CD80: variants seen among roughly 807,000 people sequenced by gnomAD.
The protein encoded by CD80 is CD80 molecule.
A neutral mutation model predicts 27.1 loss-of-function variants in CD80; 13 were observed. That is an observed-to-expected ratio of 0.48 (90% CI 0.31 to 0.76). CD80 has a LOEUF of 0.76. Ranked by LOEUF, CD80 falls within the 30% of genes least tolerant of loss-of-function variation. The pLI is 0.04. For synonymous variants in CD80, 125 were observed against 125.5 expected, an observed-to-expected ratio of 1.00 and a Z score of 0.03; for missense variants, 277 against 347.9, an observed-to-expected ratio of 0.80 and a Z score of 1.62.
At chr3:119,552,606 C>T (rs529226678) in intron 2 of CD80, among the ~76,000 whole-genome samples, 6 of 150,664 alleles carry the variant, frequency 4.0e-5, no homozygotes, top group African/African-American at 1.5e-4. Context: ...CTGGCCAAGG[C>T]GGGTGGATTG....
intron 5 of CD80, among the ~76,000 whole-genome samples, chr3:119,528,996 C>T (rs189023672): frequency 6.6e-6 from 1 of 150,388 alleles, no homozygotes; most frequent in Admixed American, 6.6e-5. Flanking sequence ...GGCTGGAGTG[C>T]AATGGCATGA....
intron 2 of CD80, among the ~76,000 whole-genome samples, chr3:119,551,484 G>A (rs1036039893): frequency 3.3e-5 from 5 of 152,038 alleles, no homozygotes; most frequent in African/African-American, 1.2e-4. Flanking sequence ...GATGGTTTTG[G>A]CCTCCTTCCT....
Position 119,525,325 on chromosome 3 carries a change from CTGAAGT to C in CD80, c.*457_*462del, listed in dbSNP as rs2082058395. 6.6e-6 allele frequency: 1 copy of C among 152,198 alleles called. No homozygotes were observed. The highest frequency in any genetic ancestry group is 2.1e-4 in the South Asian group (1 of 4,830). 9.4% of individuals were successfully genotyped at this position (152,198 alleles called of 1,614,324 possible). A position where few individuals can be genotyped will look rare whatever the true frequency, so the allele number is the denominator to read the frequency against. ...CTGACATTAGGAAATCAGATAGTCT[CTGAAGT>C]TGACCTGTTATTGGACAAATTCTAC... On this transcript the variant is annotated 3_prime_UTR_variant, in exon 7 of 7. Coordinates refer to ENST00000264246, the MANE Select transcript of CD80 (RefSeq NM_005191.4).
chr3:119,532,061 T>C (rs2082114318), intron 4 of CD80, among the ~76,000 whole-genome samples: 1 of 152,264 alleles, frequency 6.6e-6, no homozygotes, highest in Non-Finnish European at 1.5e-5. Context: ...CTTCTGTTTC[T>C]GTTTGTTGCA....
intron 6 of CD80, among the ~76,000 whole-genome samples, chr3:119,527,090 G>A (rs1357198991): frequency 2.6e-5 from 4 of 152,168 alleles, no homozygotes; most frequent in African/African-American, 9.7e-5. Context: ...AAAGTCTTGG[G>A]TTCCGTTTAC....
In CD80 at chr3:119,534,001, A is replaced by G. The variant is rs571169741; in HGVS notation, c.700+3136T>C. ...AGACATTTATACCCTAAAGCTCTCCAGCCACAAAGACAAAAACCTTAAGTT... is the reference window on the plus strand; with the variant it reads ...AGACATTTATACCCTAAAGCTCTCCGGCCACAAAGACAAAAACCTTAAGTT... On this transcript the variant is annotated intron_variant, in intron 4 of 6. Coordinates refer to ENST00000264246, the MANE Select transcript of CD80 (RefSeq NM_005191.4). 3.3e-5 allele frequency among the ~76,000 whole-genome samples: 5 copies of G among 152,314 alleles called. No individual in the cohort carries two copies. The South Asian group carries it at 1.0e-3, about 32-fold the overall frequency.
At chr3:119,539,804 T>C (rs1444332415) in intron 3 of CD80, among the ~76,000 whole-genome samples, 1 of 152,206 alleles carries the variant, frequency 6.6e-6, no homozygotes, top group Non-Finnish European at 1.5e-5. Flanking sequence ...TAGCATATGG[T>C]CATCAAAAGC....
chr3:119,557,958 G>A, intron 1 of CD80, 30 bp from the exon 2 acceptor site: 1 of 350,232 alleles, frequency 2.9e-6, no homozygotes, highest in Admixed American at 4.7e-5. Context: ...AAGTCATTCA[G>A]GAAGGAAGGT....
Position 119,537,295 on chromosome 3 carries a change from T to A in CD80, c.542A>T (p.Glu181Val), listed in dbSNP as rs1435628181. 8.7e-6 allele frequency: 14 copies of A among 1,614,068 alleles called. No homozygotes were observed. The highest frequency in any genetic ancestry group is 1.1e-5 in the Non-Finnish European group (13 of 1,179,964). ...AACTGTTGTGTTGATGGCATTTAAT[T>A]CTTCTCCATTTTCCAACCAGGAGAG... ...PHLSWLENGE[E>V]LNAINTTVSQ... The change falls in exon 4 of 7, where the codon GAA becomes GTA. Residue 181 changes from glutamate (E) to valine (V), a missense_variant. Coordinates refer to ENST00000264246, the MANE Select transcript of CD80 (RefSeq NM_005191.4).
intron 2 of CD80, among the ~76,000 whole-genome samples, chr3:119,552,506 T>A (rs1197188902): frequency 3.2e-4 from 33 of 102,206 alleles, no homozygotes; most frequent in African/African-American, 1.0e-3. Flanking sequence ...AGAGCAAGAC[T>A]CTGTCTCAAA....
intron 2 of CD80, among the ~76,000 whole-genome samples, chr3:119,553,839 A>G (rs779365042): frequency 5.3e-5 from 8 of 152,214 alleles, no homozygotes; most frequent in Non-Finnish European, 1.0e-4. Flanking sequence ...AAAGTCACCT[A>G]TTGTCTCACC....
In CD80 at chr3:119,557,880, T is replaced by C. The variant is rs563078491; in HGVS notation, c.-152A>G. The C allele has an allele frequency of 6.7e-6, 3 of 445,362 alleles. No individual in the cohort carries two copies. The highest frequency in any genetic ancestry group is 2.0e-5 in the African/African-American group (1 of 49,644). 27.6% of individuals were successfully genotyped at this position (445,362 alleles called of 1,614,324 possible). Reference sequence around the variant, plus strand: ...GTGATGTTTACAAAACACACAGAGATTGGAGGGTGTTCCTGGGTCTCCAAA... The same window carrying C: ...GTGATGTTTACAAAACACACAGAGACTGGAGGGTGTTCCTGGGTCTCCAAA... On this transcript the variant is annotated 5_prime_UTR_variant, in exon 2 of 7. Transcript: ENST00000264246.
Position 119,535,123 on chromosome 3 carries a change from C to T in CD80, c.700+2014G>A, listed in dbSNP as rs531206587. 2.7e-4 allele frequency among the ~76,000 whole-genome samples: 40 copies of T among 149,834 alleles called. 1 individual carries two copies. The highest frequency in any genetic ancestry group is 8.8e-4 in the African/African-American group (36 of 40,682). ...AGGAGAATTGCTTCAACCTGGGAGG[C>T]GGAGGTTACAGTGAGCCAAGATCAC... On this transcript the variant is annotated intron_variant, in intron 4 of 6. Transcript: ENST00000264246.
rs9823193 is a variant in CD80, at chr3:119,530,503, G to A, written c.701-566C>T. Among the ~76,000 whole-genome samples the A allele has an allele frequency of 3.2e-3, 488 of 152,222 alleles. 1 individual carries two copies. Among genetic ancestry groups the A allele is most frequent in the African/African-American group, 0.011 (457 of 41,536 alleles). On this transcript the variant is annotated intron_variant, in intron 4 of 6. Coordinates refer to ENST00000264246, the MANE Select transcript of CD80 (RefSeq NM_005191.4). ...ACAAGTCTGGCAAAGAACTAAGTGT[G>A]GATATGGCTTGGTATTAGGTGGGAC...
intron 2 of CD80, among the ~76,000 whole-genome samples, chr3:119,556,342 C>G (rs900374323): frequency 2.0e-5 from 3 of 151,608 alleles, no homozygotes; most frequent in African/African-American, 4.9e-5. Flanking sequence ...TTATTGTTCT[C>G]CCTCTTTCTG....
At chr3:119,528,209 G>C (rs1410601112) in intron 5 of CD80, among the ~76,000 whole-genome samples, 1 of 152,174 alleles carries the variant, frequency 6.6e-6, no homozygotes, top group African/African-American at 2.4e-5. Flanking sequence ...ACACTGGATA[G>C]TTGGTATTAG....
chr3:119,557,580 T>G (rs775329865), intron 2 of CD80, 49 bp downstream of exon 2: 9 of 1,360,152 alleles, frequency 6.6e-6, no homozygotes, highest in Non-Finnish European at 9.4e-6. Flanking sequence ...ATGTCCTTTC[T>G]CTTAACCCTG....
At chr3:119,542,028 C>G (rs1471898367) in intron 3 of CD80, among the ~76,000 whole-genome samples, 1 of 151,728 alleles carries the variant, frequency 6.6e-6, no homozygotes, top group East Asian at 1.9e-4. Flanking sequence ...ATGTAATTAA[C>G]TAATACAGGC....
intron 4 of CD80, 44 bp downstream of exon 4, chr3:119,537,093 T>C: frequency 6.5e-7 from 1 of 1,537,654 alleles, no homozygotes; most frequent in Non-Finnish European, 8.9e-7. Flanking sequence ...TATTGTCTTT[T>C]TAGATTCGAT....
Sources: allele counts gnomAD v4.1 joint callset (sites outside exome capture counted in the v4.1 genomes callset), GRCh38; gene constraint gnomAD v4.1.1; transcripts MANE v1.5; gene names NCBI Gene and HGNC (gene_info 2026-07-23, HGNC 2026-07-21).